Variants in NKAIN3 observed in about 807,000 individuals in gnomAD.
The protein encoded by NKAIN3 is sodium/potassium-transporting ATPase subunit beta-1-interacting protein 3.
A neutral mutation model predicts 30.2 loss-of-function variants in NKAIN3; 25 were observed. The observed-to-expected ratio is 0.83, with a 90% CI of 0.60 to 1.16. The LOEUF is 1.16. Ranked by LOEUF, NKAIN3 falls within the 50% of genes most tolerant of loss-of-function variation. The pLI is 0.00. For missense variants in NKAIN3, 225 were observed against 254.1 expected, an observed-to-expected ratio of 0.89 and a Z score of 0.78; for synonymous variants, 91 against 89.6, an observed-to-expected ratio of 1.02 and a Z score of -0.09.
intron 1 of NKAIN3, among the ~76,000 whole-genome samples, chr8:62,511,910 A>G (rs1171340669): frequency 6.6e-6 from 1 of 152,094 alleles, no homozygotes; most frequent in Non-Finnish European, 1.5e-5. Flanking sequence ...GTTTGTCATT[A>G]TTTATGACCG....
intron 4 of NKAIN3, among the ~76,000 whole-genome samples, chr8:62,752,913 C>T (rs1020724129): frequency 5.3e-5 from 8 of 152,066 alleles, no homozygotes; most frequent in Non-Finnish European, 1.0e-4. Context: ...ATTTCTGATG[C>T]AGACGCAATT....
chr8:62,535,758 C>T (rs1476340218), intron 1 of NKAIN3, among the ~76,000 whole-genome samples: 2 of 152,138 alleles, frequency 1.3e-5, no homozygotes, highest in Non-Finnish European at 2.9e-5. Flanking sequence ...GGAACTCTGT[C>T]CTCTTGGGTT....
chr8:62,780,732 A>G (rs1429214578), intron 4 of NKAIN3, among the ~76,000 whole-genome samples: 1 of 152,160 alleles, frequency 6.6e-6, no homozygotes, highest in Non-Finnish European at 1.5e-5. Flanking sequence ...GATAAAATTC[A>G]ATACCCTTTC....
chr8:62,645,274 G>T (rs1812427749), intron 3 of NKAIN3, among the ~76,000 whole-genome samples: 1 of 152,128 alleles, frequency 6.6e-6, no homozygotes, highest in South Asian at 2.1e-4. Flanking sequence ...GCTATTGCAT[G>T]TTTATACTTT....
intron 5 of NKAIN3, among the ~76,000 whole-genome samples, chr8:62,993,012 T>A (rs1337543718): frequency 6.6e-6 from 1 of 152,034 alleles, no homozygotes; most frequent in Non-Finnish European, 1.5e-5. Context: ...GTGTTCTGGT[T>A]TTGTGAAAGC....
chr8:62,654,975 G>A (rs1455975637), intron 3 of NKAIN3, among the ~76,000 whole-genome samples: 3 of 152,124 alleles, frequency 2.0e-5, no homozygotes, highest in Non-Finnish European at 2.9e-5. Context: ...GAAAGTGTGT[G>A]GTCAAAGATA....
intron 1 of NKAIN3, among the ~76,000 whole-genome samples, chr8:62,344,478 C>T (rs1815861673): frequency 6.6e-6 from 1 of 151,980 alleles, no homozygotes; most frequent in African/African-American, 2.4e-5. Flanking sequence ...CACTAGATTA[C>T]CCTTATTTAG....
intron 1 of NKAIN3, among the ~76,000 whole-genome samples, chr8:62,254,087 T>C (rs1812192569): frequency 6.6e-6 from 1 of 152,030 alleles, no homozygotes; most frequent in African/African-American, 2.4e-5. Context: ...ATTGAAACCA[T>C]TCTGCGTTGG....
chr8:62,839,447 G>A (rs1007846344), intron 4 of NKAIN3, among the ~76,000 whole-genome samples: 4 of 151,804 alleles, frequency 2.6e-5, no homozygotes, highest in South Asian at 2.1e-4. Context: ...TATTTGAAGC[G>A]GCATTATTTT....
intron 1 of NKAIN3, among the ~76,000 whole-genome samples, chr8:62,288,293 C>T (rs944212493): frequency 1.1e-4 from 16 of 152,088 alleles, no homozygotes; most frequent in African/African-American, 2.7e-4. Context: ...GTACAACATG[C>T]ATGTTTGTTA....
At chr8:62,766,517 G>A (rs1816843660) in intron 4 of NKAIN3, among the ~76,000 whole-genome samples, 1 of 152,154 alleles carries the variant, frequency 6.6e-6, no homozygotes, top group African/African-American at 2.4e-5. Flanking sequence ...TGAAATTTAT[G>A]GGTGAGAGGG....
chr8:62,569,931 C>G (rs368027695), intron 1 of NKAIN3, among the ~76,000 whole-genome samples: 2 of 151,992 alleles, frequency 1.3e-5, no homozygotes, highest in African/African-American at 2.4e-5. Flanking sequence ...ACATGAATTC[C>G]TAGGCTAGAG....
At chr8:62,407,633 G>T (rs924360671) in intron 1 of NKAIN3, among the ~76,000 whole-genome samples, 24 of 152,082 alleles carry the variant, frequency 1.6e-4, no homozygotes, top group Non-Finnish European at 2.8e-4. Context: ...GGGTTTCACC[G>T]TGTGAGCCAG....
intron 3 of NKAIN3, among the ~76,000 whole-genome samples, chr8:62,666,486 G>C (rs937517982): frequency 6.6e-6 from 1 of 152,144 alleles, no homozygotes. Context: ...ATATTGGGCA[G>C]TGCATTTATG....
intron 4 of NKAIN3, among the ~76,000 whole-genome samples, chr8:62,884,995 T>C (rs1388586823): frequency 1.3e-5 from 2 of 152,164 alleles, no homozygotes; most frequent in Non-Finnish European, 2.9e-5. Flanking sequence ...ATTTTTGCTC[T>C]AATTTTTATT....
At chr8:62,552,736 C>A (rs1809254507) in intron 1 of NKAIN3, among the ~76,000 whole-genome samples, 1 of 152,174 alleles carries the variant, frequency 6.6e-6, no homozygotes, top group African/African-American at 2.4e-5. Context: ...GAGAAAGCTG[C>A]TGAGATAAAA....
chr8:62,613,374 A>G (rs1251769332), intron 3 of NKAIN3, among the ~76,000 whole-genome samples: 1 of 152,172 alleles, frequency 6.6e-6, no homozygotes, highest in Non-Finnish European at 1.5e-5. Context: ...GTTTTCACTG[A>G]AAAGTCTGCT....
At chr8:62,563,145 G>A (rs949870950) in intron 1 of NKAIN3, among the ~76,000 whole-genome samples, 1 of 152,058 alleles carries the variant, frequency 6.6e-6, no homozygotes, top group Non-Finnish European at 1.5e-5. Context: ...TGGCAAGTTG[G>A]GCTTTTGCTA....
intron 1 of NKAIN3, among the ~76,000 whole-genome samples, chr8:62,566,904 G>T (rs1027631348): frequency 6.6e-6 from 1 of 151,948 alleles, no homozygotes; most frequent in South Asian, 2.1e-4. Flanking sequence ...GCAAAGAAAA[G>T]GAACTTATTC....
Sources: allele counts gnomAD v4.1 joint callset (sites outside exome capture counted in the v4.1 genomes callset), GRCh38; gene constraint gnomAD v4.1.1; transcripts MANE v1.5; gene names NCBI Gene and HGNC (gene_info 2026-07-23, HGNC 2026-07-21).